The following VPS13B variants were observed in gnomAD, a reference collection of about 807,000 sequenced individuals.
The protein encoded by VPS13B is vacuolar protein sorting 13 homolog B, also known as intermembrane lipid transfer protein VPS13B.
Under a neutral mutation model 426.4 loss-of-function variants are expected in VPS13B, and 285 were observed. That is an observed-to-expected ratio of 0.67 (90% CI 0.61 to 0.74). The LOEUF (loss-of-function observed/expected upper bound fraction) is 0.74, where lower values mean the gene tolerates loss of function less well. Among genes scored for constraint, VPS13B ranks in the 30% least tolerant of loss-of-function variants. VPS13B has a pLI of 0.00. For synonymous variants in VPS13B, 1,676 were observed against 1,676.4 expected (o/e 1.00, Z 0.01); for missense variants, 4,537 against 4,782.6 (o/e 0.95, Z 1.51).
chr8:99,704,151 CTT>C (rs575239355), intron 36 of VPS13B, among the ~76,000 whole-genome samples: 36 of 152,116 alleles, frequency 2.4e-4, no homozygotes, highest in Non-Finnish European at 3.2e-4. Flanking sequence ...GTTTATGTAA[CTT>C]TCACTACCCC....
At chr8:99,359,571 G>A (rs1314475928) in intron 19 of VPS13B, among the ~76,000 whole-genome samples, 2 of 151,526 alleles carry the variant, frequency 1.3e-5, no homozygotes, top group Non-Finnish European at 2.9e-5. Flanking sequence ...AATTAAAAAA[G>A]GTACAAATAT....
intron 24 of VPS13B, among the ~76,000 whole-genome samples, chr8:99,469,159 C>G (rs1016148047): frequency 7.1e-6 from 1 of 141,410 alleles, no homozygotes; most frequent in Non-Finnish European, 1.5e-5. Flanking sequence ...TTCATGTTTT[C>G]TTTCTTTCCT....
At chr8:99,420,112 C>G (rs1181394257) in intron 21 of VPS13B, among the ~76,000 whole-genome samples, 1 of 152,116 alleles carries the variant, frequency 6.6e-6, no homozygotes, top group Non-Finnish European at 1.5e-5. Flanking sequence ...TTTTACTTAG[C>G]AGATGATGAA....
chr8:99,720,819 G>C (rs1000049846), intron 38 of VPS13B, 44 bp from the exon 39 acceptor site: 7 of 1,545,864 alleles, frequency 4.5e-6, no homozygotes, highest in Non-Finnish European at 5.3e-6. Flanking sequence ...CCTTTGTCAT[G>C]TTCCCCTTTA....
intron 23 of VPS13B, among the ~76,000 whole-genome samples, chr8:99,446,458 T>C (rs1260345775): frequency 2.6e-5 from 4 of 152,288 alleles, no homozygotes; most frequent in Non-Finnish European, 4.4e-5. Flanking sequence ...TCGAATCTTA[T>C]GAGTCCTGCA....
At chr8:99,375,304 A>G (rs1813420701) in intron 19 of VPS13B, among the ~76,000 whole-genome samples, 1 of 152,160 alleles carries the variant, frequency 6.6e-6, no homozygotes, top group South Asian at 2.1e-4. Flanking sequence ...CTCCTATAAG[A>G]GACCTTTGAC....
chr8:99,058,038 T>C (rs544296145), intron 3 of VPS13B, among the ~76,000 whole-genome samples: 2 of 152,226 alleles, frequency 1.3e-5, no homozygotes, highest in Non-Finnish European at 2.9e-5. Flanking sequence ...TTTTGTAATC[T>C]AGTTGTTTTC....
At chr8:99,122,313 T>A (rs954671254) in intron 8 of VPS13B, among the ~76,000 whole-genome samples, 2 of 151,820 alleles carry the variant, frequency 1.3e-5, no homozygotes, top group Non-Finnish European at 2.9e-5. Flanking sequence ...ATTAACATAA[T>A]GCATGTAAAA....
At chr8:99,854,478 C>T (rs1397771835) in intron 56 of VPS13B, among the ~76,000 whole-genome samples, 1 of 152,142 alleles carries the variant, frequency 6.6e-6, no homozygotes, top group African/African-American at 2.4e-5. Context: ...ATTTCCTCAT[C>T]GATAAAATGG....
intron 30 of VPS13B, among the ~76,000 whole-genome samples, chr8:99,553,087 G>C (rs2133756965): frequency 6.6e-6 from 1 of 152,192 alleles, no homozygotes; most frequent in Non-Finnish European, 1.5e-5. Context: ...TGAGCCCTGA[G>C]CTTCATCTCC....
chr8:99,512,728 G>A (rs1343292556), intron 29 of VPS13B, among the ~76,000 whole-genome samples: 1 of 152,170 alleles, frequency 6.6e-6, no homozygotes, highest in Non-Finnish European at 1.5e-5. Flanking sequence ...AAAGACCATG[G>A]GCTGGGCACG....
In VPS13B at chr8:99,612,611, C is replaced by T. The variant is rs572592634; in HGVS notation, c.5221-29200C>T. ...CTGCTGAACTAAATAAGAACTCAGC[C>T]TGCTACTGAAGCCTCCAATTTATCT... On this transcript the variant is annotated intron_variant, in intron 33 of 61. Transcript: ENST00000357162. Among the ~76,000 whole-genome samples the T allele has an allele frequency of 2.6e-5, 4 of 152,284 alleles. No homozygotes were observed. In the South Asian group the frequency reaches 8.3e-4, roughly 32 times the overall value.
At chr8:99,223,789 A>T (rs917525074) in intron 17 of VPS13B, among the ~76,000 whole-genome samples, 4 of 152,216 alleles carry the variant, frequency 2.6e-5, no homozygotes, top group Admixed American at 2.6e-4. Context: ...ATGTATTAAG[A>T]TTATTCTAAA....
At chr8:99,728,619 T>C (rs964981712) in intron 39 of VPS13B, among the ~76,000 whole-genome samples, 3 of 152,186 alleles carry the variant, frequency 2.0e-5, no homozygotes, top group African/African-American at 7.2e-5. Flanking sequence ...TAATAATTGT[T>C]AGGGATGCTG....
chr8:99,376,143 A>T (rs1251434371), intron 19 of VPS13B, among the ~76,000 whole-genome samples: 2 of 152,188 alleles, frequency 1.3e-5, no homozygotes, highest in African/African-American at 4.8e-5. Context: ...AGTAAACCAC[A>T]CTTTTCTCAT....
At chr8:99,036,729 A>C (rs1175961921) in intron 2 of VPS13B, among the ~76,000 whole-genome samples, 1 of 152,122 alleles carries the variant, frequency 6.6e-6, no homozygotes, top group Non-Finnish European at 1.5e-5. Context: ...ATGCCCTTAG[A>C]CTGCAACTTT....
At chr8:99,308,326 C>T (rs763533520) in intron 19 of VPS13B, among the ~76,000 whole-genome samples, 7 of 152,034 alleles carry the variant, frequency 4.6e-5, no homozygotes, top group Non-Finnish European at 7.4e-5. Flanking sequence ...CTATCTCTCC[C>T]CTCTCCCCCA....
intron 34 of VPS13B, among the ~76,000 whole-genome samples, chr8:99,655,937 C>T (rs1475591013): frequency 2.0e-5 from 3 of 152,086 alleles, no homozygotes; most frequent in Non-Finnish European, 4.4e-5. Context: ...GGAAGCCCTG[C>T]CAAACAATTA....
At chr8:99,647,492 T>G (rs549624749) in intron 34 of VPS13B, among the ~76,000 whole-genome samples, 8 of 146,178 alleles carry the variant, frequency 5.5e-5, no homozygotes, top group African/African-American at 2.0e-4. Context: ...AAAGGAAGAA[T>G]CACTTGAACC....
Sources: allele counts gnomAD v4.1 joint callset (sites outside exome capture counted in the v4.1 genomes callset), GRCh38; gene constraint gnomAD v4.1.1; transcripts MANE v1.5; gene names NCBI Gene and HGNC (gene_info 2026-07-23, HGNC 2026-07-21).